Variants in KCNAB1 observed in about 807,000 individuals in gnomAD.
The protein encoded by KCNAB1 is potassium voltage-gated channel subfamily A regulatory beta subunit 1, also known as voltage-gated potassium channel subunit beta-1.
KCNAB1 carries 35 observed loss-of-function variants against 64.6 expected under a neutral mutation model. That is an observed-to-expected ratio of 0.54 (90% confidence interval 0.41 to 0.72). The LOEUF is 0.72. KCNAB1 is among the 30% of genes least tolerant of loss of function. The probability of loss-of-function intolerance (pLI) is 0.00; values close to 1 mark genes in which losing one functional copy is unlikely to be tolerated. For synonymous variants in KCNAB1, 177 were observed against 183.8 expected (o/e 0.96, Z 0.30); for missense variants, 401 against 512.9 (o/e 0.78, Z 2.11).
intron 1 of KCNAB1, among the ~76,000 whole-genome samples, chr3:156,179,425 C>CCA (rs1577678626): frequency 1.5e-4 from 17 of 115,966 alleles, no homozygotes; most frequent in Admixed American, 2.7e-4. Context: ...AACCCCCCCC[C>CCA]CCACCCCCTC....
chr3:156,291,358 G>A (rs1720400010), intron 1 of KCNAB1: 1 of 994,544 alleles, frequency 1.0e-6, no homozygotes, highest in Admixed American at 5.5e-5. Context: ...AGTCCGAGGG[G>A]ACCCGCTTGC....
At chr3:156,386,542 C>G (rs542525489) in intron 1 of KCNAB1, among the ~76,000 whole-genome samples, 51 of 152,328 alleles carry the variant, frequency 3.3e-4, no homozygotes, top group African/African-American at 1.2e-3. Context: ...CTCCCTGGTA[C>G]TGGCTGCCAA....
intron 8 of KCNAB1, among the ~76,000 whole-genome samples, chr3:156,478,574 A>G (rs1714550879): frequency 6.6e-6 from 1 of 152,164 alleles, no homozygotes; most frequent in Non-Finnish European, 1.5e-5. Context: ...GTCATAAACT[A>G]TGCAAATGTC....
At chr3:156,513,148 C>A (rs1717327454) in intron 8 of KCNAB1, among the ~76,000 whole-genome samples, 1 of 151,928 alleles carries the variant, frequency 6.6e-6, no homozygotes, top group Admixed American at 6.6e-5. Flanking sequence ...GGAGGCGGAG[C>A]CTGCAGGGAG....
At chr3:156,221,069 G>T (rs987058967) in intron 1 of KCNAB1, among the ~76,000 whole-genome samples, 2 of 152,098 alleles carry the variant, frequency 1.3e-5, no homozygotes, top group African/African-American at 4.8e-5. Context: ...CTGTTCCATT[G>T]GTCTATATCT....
rs77868035 is a variant in KCNAB1, at chr3:156,166,532, C to T, written c.275+45646C>T. On this transcript the variant is annotated intron_variant, in intron 1 of 13. Transcript: ENST00000490337. ...GACAAATTTAAAAAATACATATATA[C>T]ACACACACACACACACACACACAGA... Among the ~76,000 whole-genome samples, 203 of 142,360 alleles carry T rather than the reference C, an allele frequency of 1.4e-3. No individual in the cohort carries two copies. In the South Asian group the frequency reaches 0.017, roughly 12 times the overall value. The allele number at this position is 142,360 out of a possible 152,430, so 93.4% of individuals were successfully genotyped here.
chr3:156,305,010 C>T (rs917191694), intron 1 of KCNAB1, among the ~76,000 whole-genome samples: 3 of 151,628 alleles, frequency 2.0e-5, no homozygotes, highest in African/African-American at 4.8e-5. Context: ...GTGAATGGCT[C>T]GGTGGAAGCA....
chr3:156,243,720 C>T (rs1310275271), intron 1 of KCNAB1, among the ~76,000 whole-genome samples: 2 of 152,206 alleles, frequency 1.3e-5, no homozygotes, highest in Non-Finnish European at 2.9e-5. Flanking sequence ...TTGTCCTTTC[C>T]AGAACTCCAT....
chr3:156,201,786 A>G (rs938188840), intron 1 of KCNAB1, among the ~76,000 whole-genome samples: 5 of 152,130 alleles, frequency 3.3e-5, no homozygotes, highest in Non-Finnish European at 7.4e-5. Context: ...GAGTGCAGGT[A>G]TGTAAAGTGG....
chr3:156,524,288 G>A (rs556155409), intron 12 of KCNAB1: 1 of 179,268 alleles, frequency 5.6e-6, no homozygotes, highest in East Asian at 1.5e-4. Context: ...CTAAACCAGG[G>A]TTGGTGAGAA....
At chr3:156,431,816 G>A (rs1032768000) in intron 2 of KCNAB1, among the ~76,000 whole-genome samples, 2 of 152,204 alleles carry the variant, frequency 1.3e-5, no homozygotes, top group Admixed American at 6.5e-5. Flanking sequence ...ATCAAACTGT[G>A]AATTCTGTGA....
chr3:156,322,834 T>A (rs1226489430), intron 1 of KCNAB1, among the ~76,000 whole-genome samples: 1 of 152,202 alleles, frequency 6.6e-6, no homozygotes, highest in African/African-American at 2.4e-5. Context: ...CTCCAAGTAC[T>A]TCTGGGGTTC....
chr3:156,294,131 TTTTC>T (rs1451693340), intron 1 of KCNAB1, among the ~76,000 whole-genome samples: 1 of 152,170 alleles, frequency 6.6e-6, no homozygotes, highest in Non-Finnish European at 1.5e-5. Context: ...CCATTAAGGT[TTTTC>T]TGGTGGCACA....
Position 156,205,649 on chromosome 3 carries a change from G to A in KCNAB1, c.275+84763G>A, listed in dbSNP as rs139738079. On this transcript the variant is annotated intron_variant, in intron 1 of 13. Transcript: ENST00000490337. The stretch of plus-strand genomic sequence containing the variant: ...ACCTAGCTCTCTCCCTAAACTACCC[G>A]CTCCTTCCTCTGCACTGAGACATAA... Among the ~76,000 whole-genome samples, 424 of 152,114 alleles carry A rather than the reference G, an allele frequency of 2.8e-3. 3 individuals carry two copies. Among genetic ancestry groups the A allele is most frequent in the African/African-American group, 9.4e-3 (390 of 41,496 alleles).
chr3:156,174,049 G>C (rs577939956), intron 1 of KCNAB1, among the ~76,000 whole-genome samples: 1 of 152,268 alleles, frequency 6.6e-6, no homozygotes, highest in Admixed American at 6.5e-5. Flanking sequence ...TGAGTCTCCA[G>C]CTTGCAGACT....
intron 1 of KCNAB1, among the ~76,000 whole-genome samples, chr3:156,395,690 A>C (rs988603562): frequency 4.0e-5 from 6 of 151,452 alleles, no homozygotes; most frequent in Non-Finnish European, 5.9e-5. Flanking sequence ...TTTCCTCCTA[A>C]GGGAACAATG....
chr3:156,152,810 A>T (rs951875028), intron 1 of KCNAB1, among the ~76,000 whole-genome samples: 15 of 152,332 alleles, frequency 9.8e-5, no homozygotes, highest in Admixed American at 7.2e-4. Flanking sequence ...CGGTTTCAAA[A>T]CAGAGCTATG....
chr3:156,197,409 A>C (rs1477924393), intron 1 of KCNAB1, among the ~76,000 whole-genome samples: 2 of 152,168 alleles, frequency 1.3e-5, no homozygotes, highest in African/African-American at 4.8e-5. Flanking sequence ...TACCTCTGGT[A>C]TAATTTGGCT....
chr3:156,302,962 T>C (rs1274846619), intron 1 of KCNAB1, among the ~76,000 whole-genome samples: 2 of 152,224 alleles, frequency 1.3e-5, no homozygotes, highest in African/African-American at 4.8e-5. Flanking sequence ...TCCCAGTGCA[T>C]CTGGGAGGCT....
Sources: allele counts gnomAD v4.1 joint callset (sites outside exome capture counted in the v4.1 genomes callset), GRCh38; gene constraint gnomAD v4.1.1; transcripts MANE v1.5; gene names NCBI Gene and HGNC (gene_info 2026-07-23, HGNC 2026-07-21).